Variants in COL6A6 observed in about 807,000 individuals in gnomAD.
The protein encoded by COL6A6 is collagen alpha-6(VI) chain.
A neutral mutation model predicts 208.6 loss-of-function variants in COL6A6; 183 were observed. The observed-to-expected ratio is 0.88, with a 90% CI of 0.78 to 0.99. COL6A6 has a LOEUF of 0.99. Among genes scored for constraint, COL6A6 ranks in the 50% least tolerant of loss-of-function variants. The pLI, the probability that COL6A6 is intolerant of heterozygous loss-of-function variation, is 0.00. For synonymous variants in COL6A6, 973 were observed against 1,011.8 expected (o/e 0.96, Z 0.73); for missense variants, 2,816 against 2,815.2 (o/e 1.00, Z -0.01).
chr3:130,672,741 C>T (rs61065680), intron 36 of COL6A6, among the ~76,000 whole-genome samples: 151,268 of 151,272 alleles, frequency 1, 75,632 homozygotes, highest in Middle Eastern at 1. Flanking sequence ...CCGGGTGTGG[C>T]GGCTCACACC....
intron 13 of COL6A6, among the ~76,000 whole-genome samples, chr3:130,592,068 T>C (rs1264522455): frequency 6.6e-6 from 1 of 152,188 alleles, no homozygotes; most frequent in African/African-American, 2.4e-5. Context: ...TTGAATCCCC[T>C]GCTGAAGATT....
chr3:130,663,314 T>C (rs1327661506), intron 35 of COL6A6, among the ~76,000 whole-genome samples: 1 of 152,108 alleles, frequency 6.6e-6, no homozygotes, highest in African/African-American at 2.4e-5. Context: ...TTGTTAGAAA[T>C]GTAGAATCTT....
intron 10 of COL6A6, among the ~76,000 whole-genome samples, chr3:130,583,648 T>C (rs2063472594): frequency 6.6e-6 from 1 of 152,218 alleles, no homozygotes; most frequent in Admixed American, 6.5e-5. Flanking sequence ...TTGAAAAGTG[T>C]CTAGTTCTTT....
Position 130,662,325 on chromosome 3 carries a change from G to C in COL6A6, c.6502+17G>C. On this transcript the variant is annotated intron_variant, in intron 35 of 36. Transcript: ENST00000358511. ...CAATCAGGCGTAAGTCATAAAATCT[G>C]TTGTTCTCTGCACTTTAAGAATATA... is the stretch of plus-strand genomic sequence containing the variant. 1 of 1,599,736 alleles carries C rather than the reference G, an allele frequency of 6.3e-7. No homozygotes were observed. The highest frequency in any genetic ancestry group is 8.5e-7 in the Non-Finnish European group (1 of 1,171,160).
At position 130,571,312 on chromosome 3, in the gene COL6A6, T is replaced by G; in HGVS notation, c.2896T>G (p.Tyr966Asp). 1 of 1,613,830 alleles carries G rather than the reference T, an allele frequency of 6.2e-7. No individual in the cohort carries two copies. Among genetic ancestry groups the G allele is most frequent in the Non-Finnish European group, 8.5e-7 (1 of 1,179,840 alleles). Residue 966 changes from tyrosine (Y) to aspartate (D), a missense_variant, in exon 7 of 37, where the codon TAC becomes GAC. Coordinates refer to ENST00000358511, the MANE Select transcript of COL6A6 (RefSeq NM_001102608.3). ...AGCCATGGCAGGATCAAGCGACAAG[T>G]ACTTCTTCGTGGAGACTTTTGGAGG... ...LLAMAGSSDK[Y>D]FFVETFGGLK...
At chr3:130,637,364 G>T (rs558353292) in intron 28 of COL6A6, among the ~76,000 whole-genome samples, 1 of 151,538 alleles carries the variant, frequency 6.6e-6, no homozygotes, top group African/African-American at 2.4e-5. Flanking sequence ...ACAAGTTCAT[G>T]GTTGGATCCC....
At position 130,571,378 on chromosome 3, in the gene COL6A6, A is replaced by G. The variant is rs770269758; in HGVS notation, c.2962A>G (p.Asn988Asp). ...IFSDVTASVC[N>D]SSKVDCEIDK... ...TTCAGATGTGACAGCCAGTGTCTGC[A>G]ACTCTTCAAAAGTAGGTAAGTTTTG... Residue 988 changes from asparagine (N) to aspartate (D), a missense_variant, in exon 7 of 37, where the codon AAC (asparagine) becomes GAC (aspartate). Asn to Asp is a conservative substitution (Grantham distance 23). Transcript: ENST00000358511. 7.0e-6 allele frequency: 11 copies of G among 1,569,182 alleles called. No homozygotes were observed. Among genetic ancestry groups the G allele is most frequent in the Non-Finnish European group, 9.5e-6 (11 of 1,159,960 alleles).
intron 28 of COL6A6, 146 bp downstream of exon 28, chr3:130,635,907 AAT>A: frequency 3.2e-6 from 2 of 630,968 alleles, no homozygotes. Context: ...GGGGAAGGGG[AAT>A]GGATAGTCAT....
At chr3:130,558,149 C>T (rs555924969) in intron 1 of COL6A6, among the ~76,000 whole-genome samples, 5 of 152,190 alleles carry the variant, frequency 3.3e-5, no homozygotes, top group South Asian at 2.1e-4. Flanking sequence ...TTCAGGTGAT[C>T]GGTTATGTTT....
intron 1 of COL6A6, among the ~76,000 whole-genome samples, chr3:130,539,679 T>C (rs2107743222): frequency 6.6e-6 from 1 of 152,298 alleles, no homozygotes; most frequent in Admixed American, 6.5e-5. Flanking sequence ...AATTGGGTTC[T>C]GCAGTACACC....
At chr3:130,561,634 CTTTTTTTTTTTTTTTTTTT>C (rs398052265) in intron 2 of COL6A6, among the ~76,000 whole-genome samples, 2 of 75,950 alleles carry the variant, frequency 2.6e-5, no homozygotes, top group Non-Finnish European at 4.6e-5. Context: ...GTTGAATCTA[CTTTTTTTTTTTTTTTTTTT>C]TTTTTTTTTT....
At chr3:130,544,995 G>T (rs538922463) in intron 1 of COL6A6, among the ~76,000 whole-genome samples, 1 of 151,890 alleles carries the variant, frequency 6.6e-6, no homozygotes. Context: ...TATTTCCTTT[G>T]CTGTGCTGAA....
At chr3:130,616,391 T>A (rs927846667) in intron 23 of COL6A6, among the ~76,000 whole-genome samples, 4 of 152,084 alleles carry the variant, frequency 2.6e-5, no homozygotes, top group Non-Finnish European at 4.4e-5. Context: ...ATCAAATGTG[T>A]GCTAATCCAG....
intron 1 of COL6A6, among the ~76,000 whole-genome samples, chr3:130,529,528 A>C (rs2062035247): frequency 6.6e-6 from 1 of 152,168 alleles, no homozygotes; most frequent in African/African-American, 2.4e-5. Flanking sequence ...TGAACTGCTT[A>C]AGCTCTTCTG....
At chr3:130,657,101 TG>T (rs1203622288) in intron 33 of COL6A6, among the ~76,000 whole-genome samples, 9 of 152,228 alleles carry the variant, frequency 5.9e-5, no homozygotes, top group African/African-American at 2.2e-4. Context: ...CAGGGATGCC[TG>T]GGTCTGGAGC....
intron 28 of COL6A6, among the ~76,000 whole-genome samples, chr3:130,639,806 C>G (rs2065260892): frequency 6.6e-6 from 1 of 152,034 alleles, no homozygotes; most frequent in Non-Finnish European, 1.5e-5. Context: ...TAGCAAACCT[C>G]TGAAATCAAT....
chr3:130,669,027 G>C (rs1559806278), intron 36 of COL6A6, among the ~76,000 whole-genome samples: 1 of 152,234 alleles, frequency 6.6e-6, no homozygotes, highest in Non-Finnish European at 1.5e-5. Flanking sequence ...TATAAAGCAA[G>C]TGTCAACAAA....
At chr3:130,552,543 A>G (rs1469184535) in intron 1 of COL6A6, among the ~76,000 whole-genome samples, 1 of 152,092 alleles carries the variant, frequency 6.6e-6, no homozygotes, top group Non-Finnish European at 1.5e-5. Flanking sequence ...CATGTGAGAT[A>G]GGTCTCTTGA....
At position 130,563,285 on chromosome 3, in the gene COL6A6, A is replaced by G. The variant is rs745978575; in HGVS notation, c.282A>G (p.Leu94=). The G allele has an allele frequency of 5.0e-6, 8 of 1,613,876 alleles. No homozygotes were observed. The highest frequency in any genetic ancestry group is 1.3e-5 in the African/African-American group (1 of 74,920). ...GCAGGAGCCCCATGCTGAACCACCT[A>G]AGGAAGAACTTTGGATTCATTGGCG... ...FKGRSPMLNH[L]RKNFGFIGGS... The change falls in exon 3 of 37, where the codon CTA becomes CTG. Residue 94 remains leucine (L), a synonymous_variant. Coordinates refer to ENST00000358511, the MANE Select transcript of COL6A6 (RefSeq NM_001102608.3).
Sources: gnomAD v4.1 joint callset for allele counts (sites outside exome capture counted in the v4.1 genomes callset) on GRCh38, gnomAD v4.1.1 for gene constraint, MANE v1.5 for transcripts, NCBI Gene and HGNC (gene_info 2026-07-23, HGNC 2026-07-21) for gene names.